The following TIAM1 variants were observed in gnomAD, a reference collection of about 807,000 sequenced individuals.
The protein encoded by TIAM1 is TIAM Rac1 associated GEF 1.
Under a neutral mutation model 163.5 loss-of-function variants are expected in TIAM1, and 65 were observed. That is an observed-to-expected ratio of 0.40 (90% confidence interval 0.33 to 0.49). The LOEUF is 0.49. Among genes scored for constraint, TIAM1 ranks in the 20% least tolerant of loss-of-function variants. The probability of loss-of-function intolerance (pLI) is 0.77; values close to 1 mark genes in which losing one functional copy is unlikely to be tolerated. For missense variants in TIAM1, 1,789 were observed against 2,044.7 expected (o/e 0.87, Z 2.41); for synonymous variants, 833 against 810.1 (o/e 1.03, Z -0.48).
chr21:31,288,020 C>T (rs934271214), intron 2 of TIAM1, among the ~76,000 whole-genome samples: 3 of 151,970 alleles, frequency 2.0e-5, no homozygotes, highest in Non-Finnish European at 4.4e-5. Context: ...GGAGGAAGAA[C>T]AAGGAGGCAT....
intron 1 of TIAM1, among the ~76,000 whole-genome samples, chr21:31,487,986 C>T (rs2046335337): frequency 1.3e-5 from 2 of 152,180 alleles, no homozygotes; most frequent in South Asian, 4.1e-4. Context: ...GCCACTGCGC[C>T]CGGCCACTTG....
intron 1 of TIAM1, among the ~76,000 whole-genome samples, chr21:31,546,556 AAAAGAAAG>A (rs58230083): frequency 0.029 from 4,116 of 143,368 alleles, 72 homozygotes; most frequent in Middle Eastern, 0.05. Context: ...TCTCAAAAAA[AAAAGAAAG>A]AAAGAAAGAA....
intron 2 of TIAM1, among the ~76,000 whole-genome samples, chr21:31,415,870 G>A (rs369831272): frequency 2.6e-5 from 4 of 151,854 alleles, no homozygotes; most frequent in Non-Finnish European, 5.9e-5. Flanking sequence ...TCTCTGTCTC[G>A]GCCACCTCCC....
chr21:31,455,231 A>G (rs554272064), intron 2 of TIAM1, among the ~76,000 whole-genome samples: 2 of 146,836 alleles, frequency 1.4e-5, no homozygotes, highest in Non-Finnish European at 3.0e-5. Context: ...GTGAGGTGAG[A>G]TCATACCATT....
At position 31,233,738 on chromosome 21, in the gene TIAM1, T is replaced by C. The variant is rs115428257; in HGVS notation, c.1585-7788A>G. On this transcript the variant is annotated intron_variant, in intron 6 of 27. Transcript: ENST00000541036. ...GACAACTTTAAATTTGAGGTTTCCC[T>C]CCCCCACTGAAAATGGTGATATAAT... 9.4e-3 allele frequency among the ~76,000 whole-genome samples: 1,427 copies of C among 152,182 alleles called. 27 individuals are homozygous for C. Among genetic ancestry groups the C allele is most frequent in the African/African-American group, 0.032 (1,341 of 41,528 alleles).
At chr21:31,383,431 C>T (rs539744154) in intron 2 of TIAM1, among the ~76,000 whole-genome samples, 1 of 152,210 alleles carries the variant, frequency 6.6e-6, no homozygotes, top group Admixed American at 6.5e-5. Context: ...TAGGCTATAT[C>T]CCACTCCCCA....
intron 2 of TIAM1, among the ~76,000 whole-genome samples, chr21:31,306,258 T>C (rs1168571164): frequency 6.6e-6 from 1 of 151,886 alleles, no homozygotes; most frequent in African/African-American, 2.4e-5. Flanking sequence ...CACTCTGGCT[T>C]GGATGAAAGA....
chr21:31,130,015 T>C (rs2082347180), intron 25 of TIAM1, among the ~76,000 whole-genome samples, 198 bp downstream of exon 25: 2 of 151,832 alleles, frequency 1.3e-5, no homozygotes, highest in African/African-American at 4.8e-5. Context: ...GGTTCATTCA[T>C]TCATTCATTC....
intron 15 of TIAM1, among the ~76,000 whole-genome samples, chr21:31,167,923 T>C (rs1189449014): frequency 6.6e-6 from 1 of 152,086 alleles, no homozygotes; most frequent in East Asian, 1.9e-4. Flanking sequence ...ATGTCCCACA[T>C]TCATATGGTT....
chr21:31,548,967 A>G (rs982158091), intron 1 of TIAM1, among the ~76,000 whole-genome samples: 2 of 152,172 alleles, frequency 1.3e-5, no homozygotes, highest in African/African-American at 4.8e-5. Flanking sequence ...GGCTGCCCCC[A>G]GTTGAGAGCC....
intron 1 of TIAM1, among the ~76,000 whole-genome samples, chr21:31,495,537 GC>G (rs2046611307): frequency 6.6e-6 from 1 of 152,160 alleles, no homozygotes; most frequent in African/African-American, 2.4e-5. Flanking sequence ...CCTCTTAAAG[GC>G]CCCACCTCCC....
chr21:31,245,690 G>C (rs998384096), intron 5 of TIAM1, 30 bp from the exon 6 acceptor site: 1 of 1,466,776 alleles, frequency 6.8e-7, no homozygotes. Flanking sequence ...GTGTGCATGA[G>C]TATTCAGTGC....
At chr21:31,349,379 T>C (rs1335389384) in intron 2 of TIAM1, among the ~76,000 whole-genome samples, 1 of 152,088 alleles carries the variant, frequency 6.6e-6, no homozygotes, top group Non-Finnish European at 1.5e-5. Flanking sequence ...AGCTCTTAGC[T>C]CCCACCAGCA....
At chr21:31,418,194 T>C (rs2043439273) in intron 2 of TIAM1, among the ~76,000 whole-genome samples, 1 of 151,334 alleles carries the variant, frequency 6.6e-6, no homozygotes, top group Non-Finnish European at 1.5e-5. Context: ...GTACAAAAAT[T>C]AGCAGGGCGT....
intron 1 of TIAM1, among the ~76,000 whole-genome samples, chr21:31,507,508 T>C (rs1279700621): frequency 1.3e-5 from 2 of 152,074 alleles, no homozygotes; most frequent in East Asian, 1.9e-4. Flanking sequence ...AAAGGGACCA[T>C]GTCTGGTCCC....
chr21:31,276,341 G>A (rs1351217894), intron 3 of TIAM1, among the ~76,000 whole-genome samples: 2 of 152,154 alleles, frequency 1.3e-5, no homozygotes, highest in East Asian at 1.9e-4. Flanking sequence ...TTTTGACTGT[G>A]TTTATTTTTA....
intron 2 of TIAM1, among the ~76,000 whole-genome samples, chr21:31,365,508 C>A (rs2076488519): frequency 1.3e-5 from 2 of 151,332 alleles, no homozygotes; most frequent in South Asian, 2.1e-4. Context: ...CCTGCCTCAG[C>A]CTCCCAAGTA....
chr21:31,126,338 G>A (rs1417318182), intron 26 of TIAM1, among the ~76,000 whole-genome samples: 1 of 152,110 alleles, frequency 6.6e-6, no homozygotes, highest in African/African-American at 2.4e-5. Context: ...GCAGGCCGAG[G>A]CAGGCAGACC....
chr21:31,425,056 C>CAA (rs370622503), intron 2 of TIAM1, among the ~76,000 whole-genome samples: 4 of 97,942 alleles, frequency 4.1e-5, no homozygotes, highest in Non-Finnish European at 9.4e-5. Flanking sequence ...CCGTCTCAAA[C>CAA]AAAAAAAAAA....
Sources: gnomAD v4.1 joint callset for allele counts (sites outside exome capture counted in the v4.1 genomes callset) on GRCh38, gnomAD v4.1.1 for gene constraint, MANE v1.5 for transcripts, NCBI Gene and HGNC (gene_info 2026-07-23, HGNC 2026-07-21) for gene names.